Variants in UBASH3B observed in about 807,000 individuals in gnomAD.
The protein encoded by UBASH3B is ubiquitin associated and SH3 domain containing B, also known as ubiquitin-associated and SH3 domain-containing protein B.
In UBASH3B, 37 loss-of-function variants were observed where a neutral mutation model predicts 83.4. That is an observed-to-expected ratio of 0.44 (90% CI 0.34 to 0.58). The LOEUF is 0.58. Ranked by LOEUF, UBASH3B falls within the 20% of genes least tolerant of loss-of-function variation. The pLI is 0.01. For synonymous variants in UBASH3B, 304 were observed against 318.3 expected (o/e 0.96, Z 0.48); for missense variants, 657 against 827.2 (o/e 0.79, Z 2.52).
At chr11:122,696,138 C>T (rs577242922) in intron 1 of UBASH3B, among the ~76,000 whole-genome samples, 73 of 151,608 alleles carry the variant, frequency 4.8e-4, no homozygotes, top group Non-Finnish European at 8.1e-4. Flanking sequence ...TTAGTAGAGA[C>T]GGGGTTTCAC....
chr11:122,804,923 C>CG (rs1179546563), intron 11 of UBASH3B, among the ~76,000 whole-genome samples: 1 of 152,060 alleles, frequency 6.6e-6, no homozygotes, highest in Non-Finnish European at 1.5e-5. Flanking sequence ...CATAGTTAAG[C>CG]GGGGGTGGAG....
At chr11:122,792,159 C>T (rs891231821) in intron 6 of UBASH3B, among the ~76,000 whole-genome samples, 5 of 151,444 alleles carry the variant, frequency 3.3e-5, no homozygotes, top group East Asian at 1.9e-4. Flanking sequence ...CCATGGGAGA[C>T]GAAGGAGGGA....
At chr11:122,757,466 C>A (rs1419958373) in intron 1 of UBASH3B, among the ~76,000 whole-genome samples, 1 of 152,158 alleles carries the variant, frequency 6.6e-6, no homozygotes. Flanking sequence ...CCACCCCAGT[C>A]TATGGCACTT....
At chr11:122,786,060 T>G (rs931660656) in intron 5 of UBASH3B, among the ~76,000 whole-genome samples, 6 of 152,046 alleles carry the variant, frequency 3.9e-5, no homozygotes, top group African/African-American at 1.4e-4. Flanking sequence ...TTGTTTTTTG[T>G]TTTTGTTGAG....
intron 8 of UBASH3B, 139 bp from the exon 9 acceptor site, chr11:122,796,772 A>G: frequency 8.8e-7 from 1 of 1,138,250 alleles, no homozygotes; most frequent in South Asian, 1.5e-5. Context: ...CAGCCTTGAT[A>G]TTTTCTATCA....
At chr11:122,752,692 G>A (rs1861217870) in intron 1 of UBASH3B, among the ~76,000 whole-genome samples, 2 of 152,182 alleles carry the variant, frequency 1.3e-5, no homozygotes, top group Non-Finnish European at 2.9e-5. Flanking sequence ...AGGTATGCAT[G>A]ATGGAATGAA....
intron 1 of UBASH3B, among the ~76,000 whole-genome samples, chr11:122,718,161 G>A (rs1216312846): frequency 6.6e-6 from 1 of 152,122 alleles, no homozygotes; most frequent in African/African-American, 2.4e-5. Context: ...CTAACCTCAA[G>A]TGATCCTCCC....
chr11:122,675,558 G>C (rs1439839253), intron 1 of UBASH3B, among the ~76,000 whole-genome samples: 1 of 152,208 alleles, frequency 6.6e-6, no homozygotes, highest in Admixed American at 6.5e-5. Context: ...TCTAGAACTA[G>C]CTCAGCCGCT....
intron 13 of UBASH3B, among the ~76,000 whole-genome samples, chr11:122,808,999 A>AT (rs1861391003): frequency 6.6e-6 from 1 of 151,628 alleles, no homozygotes; most frequent in African/African-American, 2.4e-5. Flanking sequence ...GGTGAAACAA[A>AT]TTTTTTCAAA....
chr11:122,701,664 A>G (rs1745067094), intron 1 of UBASH3B, among the ~76,000 whole-genome samples: 1 of 152,084 alleles, frequency 6.6e-6, no homozygotes, highest in African/African-American at 2.4e-5. Context: ...GAAGGAACTA[A>G]GAGTATTCAG....
intron 9 of UBASH3B, 41 bp downstream of exon 9, chr11:122,797,074 C>T: frequency 6.5e-7 from 1 of 1,544,862 alleles, no homozygotes; most frequent in East Asian, 2.3e-5. Flanking sequence ...CATTTCTTGC[C>T]TCCTCCTTCA....
At chr11:122,762,573 C>T (rs918463867) in intron 1 of UBASH3B, among the ~76,000 whole-genome samples, 2 of 152,234 alleles carry the variant, frequency 1.3e-5, no homozygotes, top group Non-Finnish European at 2.9e-5. Flanking sequence ...TTCTCATTGA[C>T]TCCCCACTTT....
intron 1 of UBASH3B, among the ~76,000 whole-genome samples, chr11:122,717,671 T>A (rs1294391181): frequency 6.6e-6 from 1 of 152,240 alleles, no homozygotes; most frequent in South Asian, 2.1e-4. Flanking sequence ...TACCTCGTGA[T>A]ATCACCACAG....
intron 1 of UBASH3B, among the ~76,000 whole-genome samples, chr11:122,713,013 T>C (rs1017433882): frequency 1.4e-5 from 2 of 144,496 alleles, no homozygotes; most frequent in Non-Finnish European, 3.0e-5. Flanking sequence ...GTTCACGCCA[T>C]TCTCCTGCCT....
At chr11:122,787,554 T>G (rs1860976916) in intron 5 of UBASH3B, among the ~76,000 whole-genome samples, 1 of 152,146 alleles carries the variant, frequency 6.6e-6, no homozygotes, top group South Asian at 2.1e-4. Context: ...AATTCTCTCT[T>G]TATAACATGT....
At chr11:122,717,300 C>A (rs1860541575) in intron 1 of UBASH3B, among the ~76,000 whole-genome samples, 1 of 152,234 alleles carries the variant, frequency 6.6e-6, no homozygotes, top group South Asian at 2.1e-4. Context: ...CCTGGACTAA[C>A]CGATAGCGGA....
chr11:122,797,027 C>A lies in UBASH3B; in HGVS notation c.1351C>A (p.Leu451Ile). The A allele has an allele frequency of 6.2e-7, 1 of 1,609,194 alleles. No homozygotes were observed. Among genetic ancestry groups the A allele is most frequent in the Non-Finnish European group, 8.5e-7 (1 of 1,177,508 alleles). ...TGTGTTTGGATGCATGCAAGCAAGA[C>A]TAGTGGGTAAGTATCCTGGAGTGAC... ...ITVFGCMQAR[L>I]VGEALLESNT... The change falls in exon 9 of 14, where the codon CTA becomes ATA. Residue 451 changes from leucine to isoleucine, a missense_variant. This residue lies in a region of UBASH3B where 573 missense variants were observed against 739.0 expected (regional missense o/e 0.78). Transcript: ENST00000284273.
At chr11:122,712,545 GCT>G (rs1438754744) in intron 1 of UBASH3B, among the ~76,000 whole-genome samples, 6 of 152,056 alleles carry the variant, frequency 3.9e-5, no homozygotes, top group African/African-American at 1.4e-4. Context: ...GTTGGTGCTC[GCT>G]CTTTTTCCCT....
chr11:122,712,866 G>C (rs1233173797), intron 1 of UBASH3B, among the ~76,000 whole-genome samples: 2 of 144,022 alleles, frequency 1.4e-5, no homozygotes, highest in Non-Finnish European at 3.0e-5. Context: ...CCAGGAAGCT[G>C]ACTGGACATT....
Sources: gnomAD v4.1 joint callset for allele counts (sites outside exome capture counted in the v4.1 genomes callset) on GRCh38, gnomAD v4.1.1 for gene constraint, gnomAD v4.1.1 regional missense constraint, MANE v1.5 for transcripts, NCBI Gene and HGNC (gene_info 2026-07-23, HGNC 2026-07-21) for gene names.